SHISA9: variants seen among roughly 807,000 people sequenced by gnomAD.
The protein encoded by SHISA9 is shisa family member 9.
Under a neutral mutation model 38.0 loss-of-function variants are expected in SHISA9, and 13 were observed. That is an observed-to-expected ratio of 0.34 (90% confidence interval 0.22 to 0.54). The LOEUF is 0.54. Among genes scored for constraint, SHISA9 ranks in the 20% least tolerant of loss-of-function variants. The probability of loss-of-function intolerance (pLI) is 0.91; values close to 1 mark genes in which losing one functional copy is unlikely to be tolerated. For missense variants in SHISA9, 538 were observed against 575.8 expected, an observed-to-expected ratio of 0.93 and a Z score of 0.67; for synonymous variants, 275 against 242.0, an observed-to-expected ratio of 1.14 and a Z score of -1.27.
At chr16:13,363,486 A>C in the SHISA9 span, among the ~76,000 whole-genome samples, 1 of 152,210 alleles carries the variant, frequency 6.6e-6, no homozygotes, top group Admixed American at 6.5e-5. Flanking sequence ...GGATGGTATT[A>C]GGATGTCAGC....
At chr16:12,940,415 A>T (rs1239173176) in intron 2 of SHISA9, among the ~76,000 whole-genome samples, 2 of 150,850 alleles carry the variant, frequency 1.3e-5, no homozygotes, top group African/African-American at 4.9e-5. Context: ...TTACCTTCCT[A>T]GTCCCCCCAT....
chr16:13,187,361 G>T (rs1344250433), intron 2 of SHISA9, among the ~76,000 whole-genome samples: 2 of 87,112 alleles, frequency 2.3e-5, no homozygotes, highest in Admixed American at 2.7e-4. Context: ...TTGAGGCAGA[G>T]TCTTGCTCTA....
chr16:13,262,670 A>AAGGGAGGG, the SHISA9 span, among the ~76,000 whole-genome samples: 6 of 70,666 alleles, frequency 8.5e-5, no homozygotes, highest in Admixed American at 2.8e-4. Flanking sequence ...GGAAGGAAGG[A>AAGGGAGGG]AGGGAGGGAG....
intron 2 of SHISA9, among the ~76,000 whole-genome samples, chr16:13,074,639 T>A (rs534698592): frequency 6.6e-6 from 1 of 152,012 alleles, no homozygotes; most frequent in African/African-American, 2.4e-5. Context: ...TACTATTATT[T>A]TTTTCTTTTC....
At chr16:13,507,741 G>A in the SHISA9 span, among the ~76,000 whole-genome samples, 1 of 152,176 alleles carries the variant, frequency 6.6e-6, no homozygotes, top group Non-Finnish European at 1.5e-5. Flanking sequence ...TTCAGGTCGG[G>A]CATGTCTGTG....
At chr16:13,514,278 C>A in the SHISA9 span, among the ~76,000 whole-genome samples, 1 of 151,624 alleles carries the variant, frequency 6.6e-6, no homozygotes, top group Non-Finnish European at 1.5e-5. Flanking sequence ...TAGGCTTGAG[C>A]CACTGCACCC....
chr16:13,015,978 TCC>T (rs143274430), intron 2 of SHISA9, among the ~76,000 whole-genome samples: 1 of 49,052 alleles, frequency 2.0e-5, no homozygotes, highest in African/African-American at 7.0e-5. Flanking sequence ...TCCCTTCCCT[TCC>T]CTTCCCTTCT....
chr16:13,186,166 C>T (rs986046641), intron 2 of SHISA9, among the ~76,000 whole-genome samples: 1 of 151,390 alleles, frequency 6.6e-6, no homozygotes, highest in East Asian at 1.9e-4. Flanking sequence ...TACAATAATG[C>T]CTGGTTTATT....
At chr16:13,089,152 A>T (rs912201329) in intron 2 of SHISA9, among the ~76,000 whole-genome samples, 2 of 151,806 alleles carry the variant, frequency 1.3e-5, no homozygotes, top group Non-Finnish European at 2.9e-5. Context: ...TATCCCAGGG[A>T]TGAAGATCAT....
At chr16:13,050,184 T>C (rs1457500907) in intron 2 of SHISA9, among the ~76,000 whole-genome samples, 9 of 152,156 alleles carry the variant, frequency 5.9e-5, no homozygotes, top group East Asian at 1.9e-4. Context: ...ATTTGTGATA[T>C]TGATTGAGAT....
At chr16:13,430,398 A>T in the SHISA9 span, among the ~76,000 whole-genome samples, 1 of 152,164 alleles carries the variant, frequency 6.6e-6, no homozygotes, top group East Asian at 1.9e-4. Flanking sequence ...TTGGAATCTG[A>T]TGATTTGCAA....
the SHISA9 span, among the ~76,000 whole-genome samples, chr16:13,356,659 A>G: frequency 6.6e-6 from 1 of 152,066 alleles, no homozygotes; most frequent in Admixed American, 6.6e-5. Flanking sequence ...GGTCTGTAGA[A>G]AAGGAAGATT....
chr16:13,558,581 T>C, the SHISA9 span, among the ~76,000 whole-genome samples: 1 of 152,230 alleles, frequency 6.6e-6, no homozygotes, highest in Non-Finnish European at 1.5e-5. Flanking sequence ...TCACTAACAC[T>C]GAGCTCACAG....
At chr16:13,248,702 C>G in the SHISA9 span, among the ~76,000 whole-genome samples, 1 of 152,126 alleles carries the variant, frequency 6.6e-6, no homozygotes, top group African/African-American at 2.4e-5. Context: ...CGACTCCCAC[C>G]CATTAGGAAC....
At chr16:12,945,097 C>T (rs917225537) in intron 2 of SHISA9, among the ~76,000 whole-genome samples, 5 of 152,174 alleles carry the variant, frequency 3.3e-5, no homozygotes, top group African/African-American at 1.2e-4. Flanking sequence ...GGGGCATTGA[C>T]ACTCTAGTAC....
chr16:13,076,702 G>A (rs2073586774), intron 2 of SHISA9, among the ~76,000 whole-genome samples: 1 of 152,194 alleles, frequency 6.6e-6, no homozygotes, highest in African/African-American at 2.4e-5. Context: ...TGAGCTTCCT[G>A]AAGCTTCATT....
chr16:13,016,861 C>A (rs571407859), intron 2 of SHISA9, among the ~76,000 whole-genome samples: 52 of 152,080 alleles, frequency 3.4e-4, no homozygotes, highest in African/African-American at 1.1e-3. Flanking sequence ...AAATATAGTC[C>A]CCAAGGAGGG....
chr16:13,440,300 C>T, the SHISA9 span, among the ~76,000 whole-genome samples: 11 of 152,364 alleles, frequency 7.2e-5, no homozygotes, highest in South Asian at 2.1e-4. Context: ...CCCGTTAATG[C>T]CTTCTGTTTC....
the SHISA9 span, among the ~76,000 whole-genome samples, chr16:13,441,127 C>G: frequency 2.0e-5 from 3 of 152,188 alleles, no homozygotes; most frequent in African/African-American, 7.2e-5. Context: ...AAGATAAAAG[C>G]AGTTGAAGAA....
Sources: gnomAD v4.1 joint callset for allele counts (sites outside exome capture counted in the v4.1 genomes callset) on GRCh38, gnomAD v4.1.1 for gene constraint, MANE v1.5 for transcripts, NCBI Gene and HGNC (gene_info 2026-07-23, HGNC 2026-07-21) for gene names.